DCX: variants seen among roughly 807,000 people sequenced by gnomAD.
DCX encodes neuronal migration protein doublecortin.
DCX carries 4 observed loss-of-function variants against 20.9 expected under a neutral mutation model. That is an observed-to-expected ratio of 0.19 (90% CI 0.09 to 0.44). The LOEUF (loss-of-function observed/expected upper bound fraction) is 0.44. DCX is among the 20% of genes least tolerant of loss of function. DCX has a pLI of 0.99. For synonymous variants in DCX, 103 were observed against 111.4 expected, an observed-to-expected ratio of 0.92 and a Z score of 0.47; for missense variants, 133 against 296.9, an observed-to-expected ratio of 0.45 and a Z score of 4.06.
intron 2 of DCX, among the ~76,000 whole-genome samples, chrX:111,403,248 A>G (rs1231030745): frequency 8.9e-6 from 1 of 111,893 alleles, no homozygotes; most frequent in Non-Finnish European, 1.9e-5. Flanking sequence ...CTTGTCATGT[A>G]CTTTAAAACT....
At chrX:111,349,298 C>A (rs752365155) in intron 3 of DCX, among the ~76,000 whole-genome samples, 1 of 111,423 alleles carries the variant, frequency 9.0e-6, no homozygotes, top group African/African-American at 3.3e-5. Context: ...GTCGTGGAAT[C>A]CCAGAGGCTT....
intron 5 of DCX, among the ~76,000 whole-genome samples, 156 bp downstream of exon 5, chrX:111,330,748 A>T (rs774653046): frequency 8.9e-6 from 1 of 112,145 alleles, no homozygotes; most frequent in South Asian, 3.8e-4. Flanking sequence ...TGCCTCCATG[A>T]CTCCAAACAA....
chrX:111,405,574 G>T (rs1327433344), intron 2 of DCX, among the ~76,000 whole-genome samples: 2 of 111,279 alleles, frequency 1.8e-5, no homozygotes, highest in Non-Finnish European at 3.8e-5. Flanking sequence ...TTTGGGTTCA[G>T]AAAAGCTGGC....
chrX:111,383,507 T>C (rs1265802000), intron 3 of DCX, among the ~76,000 whole-genome samples: 4 of 111,788 alleles, frequency 3.6e-5, no homozygotes, highest in Non-Finnish European at 7.5e-5. Flanking sequence ...TACCAATTAG[T>C]ATTTTCTGAT....
Position 111,293,923 on chromosome X carries a change from C to T in DCX, c.*7764G>A, listed in dbSNP as rs1431403170. On this transcript the variant is annotated 3_prime_UTR_variant, in exon 7 of 7. Transcript: ENST00000636035. ...TTTGGCTGCCTGGTATTGAATGCTG[C>T]GAATCTTCAGCACTCACAGTTCACA... is the stretch of plus-strand genomic sequence containing the variant. 1 of 112,718 alleles carries T rather than the reference C, an allele frequency of 8.9e-6. No individual in the cohort carries two copies. Among genetic ancestry groups the T allele is most frequent in the African/African-American group, 3.2e-5 (1 of 30,971 alleles). 9.3% of individuals were successfully genotyped at this position (112,718 alleles called of 1,213,427 possible).
intron 3 of DCX, among the ~76,000 whole-genome samples, chrX:111,368,149 G>A (rs945548906): frequency 9.0e-6 from 1 of 111,239 alleles, no homozygotes; most frequent in Non-Finnish European, 1.9e-5. Flanking sequence ...TTTTATTGAA[G>A]TAGCCTTGCA....
Position 111,391,001 on chromosome X carries a change from TAAA to T in DCX, c.705+9986_705+9988del, listed in dbSNP as rs56173739. On this transcript the variant is annotated intron_variant, in intron 3 of 6. Transcript: ENST00000636035. ...AGTCTGGGCAATAGTGATATCCTGC[TAAA>T]AAAAAAAAAAAAAAAAATCCTTCAC... Among the ~76,000 whole-genome samples the T allele has an allele frequency of 3.9e-3, 318 of 82,197 alleles. 3 individuals carry two copies. The highest frequency in any genetic ancestry group is 0.013 in the African/African-American group (291 of 22,337). The allele number at this position is 82,197 out of a possible 115,157, so 71.4% of individuals were successfully genotyped here.
At chrX:111,365,950 C>T (rs1924596479) in intron 3 of DCX, among the ~76,000 whole-genome samples, 3 of 111,568 alleles carry the variant, frequency 2.7e-5, no homozygotes, top group African/African-American at 9.8e-5. Context: ...AGTAGCATCC[C>T]GGGCCTCTAC....
chrX:111,390,993 T>G (rs1378275310), intron 3 of DCX, among the ~76,000 whole-genome samples: 1 of 65,957 alleles, frequency 1.5e-5, no homozygotes, highest in Non-Finnish European at 3.0e-5. Flanking sequence ...GCAATAGTGA[T>G]ATCCTGCTAA....
intron 3 of DCX, among the ~76,000 whole-genome samples, chrX:111,380,885 T>C (rs1455634677): frequency 9.0e-6 from 1 of 111,130 alleles, no homozygotes; most frequent in Non-Finnish European, 1.9e-5. Flanking sequence ...TATTATCTTT[T>C]TTTTGAAAAT....
intron 2 of DCX, among the ~76,000 whole-genome samples, chrX:111,402,885 C>T (rs1437504075): frequency 2.8e-5 from 3 of 107,947 alleles, no homozygotes; most frequent in Non-Finnish European, 5.7e-5. Context: ...CCCTCAGTCC[C>T]AGAGTTCTAT....
chrX:111,333,488 A>G (rs1247754704), intron 3 of DCX, among the ~76,000 whole-genome samples: 1 of 111,507 alleles, frequency 9.0e-6, no homozygotes, highest in African/African-American at 3.3e-5. Flanking sequence ...CAGAGCCTCA[A>G]AGACGGGAAG....
Position 111,299,157 on chromosome X carries a change from T to C in DCX, c.*2530A>G, listed in dbSNP as rs2095028197. On this transcript the variant is annotated 3_prime_UTR_variant, in exon 7 of 7. Coordinates refer to ENST00000636035, the MANE Select transcript of DCX (RefSeq NM_001195553.2). ...CACACAAAAAAAATTGCCTTGAAAG[T>C]GGGCCAATTTAAAATGCAATTAATT... 1 of 111,106 alleles carries C rather than the reference T, an allele frequency of 9.0e-6. No homozygotes were observed. The highest frequency in any genetic ancestry group is 1.9e-5 in the Non-Finnish European group (1 of 53,001). The allele number at this position is 111,106 out of a possible 1,213,427, so 9.2% of individuals were successfully genotyped here.
intron 3 of DCX, among the ~76,000 whole-genome samples, chrX:111,387,681 A>G (rs1178517782): frequency 8.9e-6 from 1 of 112,117 alleles, no homozygotes; most frequent in Admixed American, 9.5e-5. Context: ...CTGGTGAGTA[A>G]GACCAGAAAT....
At chrX:111,370,789 A>G (rs1341167473) in intron 3 of DCX, among the ~76,000 whole-genome samples, 1 of 111,138 alleles carries the variant, frequency 9.0e-6, no homozygotes, top group Admixed American at 9.6e-5. Context: ...TTTAAAAAAA[A>G]AAAAATACAT....
At chrX:111,368,846 G>C (rs1055062128) in intron 3 of DCX, among the ~76,000 whole-genome samples, 10 of 107,349 alleles carry the variant, frequency 9.3e-5, no homozygotes, top group African/African-American at 3.4e-4. Context: ...TCAAATACTG[G>C]ATTAATCAAG....
intron 3 of DCX, among the ~76,000 whole-genome samples, chrX:111,346,358 T>C (rs1038356903): frequency 1.8e-5 from 2 of 112,541 alleles, no homozygotes; most frequent in African/African-American, 3.2e-5. Flanking sequence ...ATCCATACAA[T>C]GGAATATTAT....
At position 111,317,031 on chromosome X, in the gene DCX, A is replaced by C. The variant is rs143485364; in HGVS notation, c.947-4295T>G. 2.2e-3 allele frequency among the ~76,000 whole-genome samples: 251 copies of C among 112,476 alleles called. 1 individual carries two copies. Among genetic ancestry groups the C allele is most frequent in the African/African-American group, 7.7e-3 (240 of 30,997 alleles). ...AATGTACAGATTAAATGTTATTCCT[A>C]TCAAACTACCAATGACATTCTTCAC... On this transcript the variant is annotated intron_variant, in intron 5 of 6. Coordinates refer to ENST00000636035, the MANE Select transcript of DCX (RefSeq NM_001195553.2).
intron 3 of DCX, among the ~76,000 whole-genome samples, chrX:111,341,549 GA>G (rs1922238500): frequency 2.7e-5 from 3 of 110,735 alleles, no homozygotes; most frequent in Non-Finnish European, 3.8e-5. Context: ...TCCATGAGAA[GA>G]TCAACCCCAA....
Sources: gnomAD v4.1 joint callset for allele counts (sites outside exome capture counted in the v4.1 genomes callset) on GRCh38, gnomAD v4.1.1 for gene constraint, MANE v1.5 for transcripts, NCBI Gene and HGNC (gene_info 2026-07-23, HGNC 2026-07-21) for gene names.